TFAP2D: variants seen among roughly 807,000 people sequenced by gnomAD.
TFAP2D encodes transcription factor AP-2-delta.
Under a neutral mutation model 43.6 loss-of-function variants are expected in TFAP2D, and 9 were observed. The observed-to-expected ratio is 0.21, with a 90% CI of 0.12 to 0.36. The LOEUF is 0.36. Ranked by LOEUF, TFAP2D falls within the 10% of genes least tolerant of loss-of-function variation. The pLI, the probability that TFAP2D is intolerant of heterozygous loss-of-function variation, is 1.00. For missense variants in TFAP2D, 513 were observed against 561.4 expected, an observed-to-expected ratio of 0.91 and a Z score of 0.87; for synonymous variants, 256 against 224.9, an observed-to-expected ratio of 1.14 and a Z score of -1.24.
chr6:50,723,743 C>T (rs1042569557), intron 3 of TFAP2D, among the ~76,000 whole-genome samples: 11 of 152,112 alleles, frequency 7.2e-5, no homozygotes, highest in Non-Finnish European at 4.4e-5. Context: ...AGCCTACAGC[C>T]TTTTCTCTAA....
chr6:50,722,619 T>C (rs1355691178), intron 3 of TFAP2D, among the ~76,000 whole-genome samples: 1 of 152,008 alleles, frequency 6.6e-6, no homozygotes, highest in African/African-American at 2.4e-5. Flanking sequence ...AAGTGAACAA[T>C]GTTGATGACG....
intron 1 of TFAP2D, among the ~76,000 whole-genome samples, chr6:50,714,392 C>A (rs948490849): frequency 3.3e-5 from 5 of 151,396 alleles, no homozygotes; most frequent in Non-Finnish European, 7.4e-5. Context: ...GAGATAGAGA[C>A]GGAAAGAAAG....
At chr6:50,719,848 G>A (rs1207010449) in intron 3 of TFAP2D, among the ~76,000 whole-genome samples, 1 of 152,194 alleles carries the variant, frequency 6.6e-6, no homozygotes, top group African/African-American at 2.4e-5. Flanking sequence ...ATTGGAAGGT[G>A]GGGGAAGGCA....
chr6:50,756,523 C>T (rs1375194629), intron 7 of TFAP2D, among the ~76,000 whole-genome samples: 1 of 152,104 alleles, frequency 6.6e-6, no homozygotes, highest in African/African-American at 2.4e-5. Flanking sequence ...TATGTCCAGA[C>T]AAAGCACAAA....
intron 5 of TFAP2D, among the ~76,000 whole-genome samples, chr6:50,729,560 T>C (rs191144157): frequency 3.9e-5 from 6 of 152,336 alleles, no homozygotes; most frequent in Admixed American, 3.9e-4. Flanking sequence ...AGGTTTTGGG[T>C]ACTTCTCCAA....
chr6:50,720,723 G>C (rs1768708807), intron 3 of TFAP2D, among the ~76,000 whole-genome samples: 1 of 152,142 alleles, frequency 6.6e-6, no homozygotes, highest in South Asian at 2.1e-4. Context: ...GAGATGTGCT[G>C]ATCAGGGGTC....
rs115379839 is a variant in TFAP2D at position 50,728,734 on chromosome 6, A to G, written c.599-122A>G. 2.9e-3 allele frequency: 2,554 copies of G among 889,424 alleles called. 8 individuals are homozygous for G. Among genetic ancestry groups the G allele is most frequent in the Non-Finnish European group, 4.0e-3 (2,281 of 574,058 alleles). The allele number at this position is 889,424 out of a possible 1,614,324, so 55.1% of individuals were successfully genotyped here. ...AGCTCCCTGCGATGATCTGGGGGAT[A>G]TATAAGTACAACTGTTAGCATGTAT... On this transcript the variant is annotated intron_variant, in intron 3 of 7. Coordinates refer to ENST00000008391, the MANE Select transcript of TFAP2D (RefSeq NM_172238.4).
chr6:50,768,963 C>T (rs567012586), intron 7 of TFAP2D, among the ~76,000 whole-genome samples: 161 of 144,020 alleles, frequency 1.1e-3, no homozygotes, highest in Non-Finnish European at 1.9e-3. Context: ...AATGCAATAG[C>T]ACGATCTTGC....
chr6:50,716,682 A>T (rs975680939), intron 2 of TFAP2D, among the ~76,000 whole-genome samples: 4 of 152,178 alleles, frequency 2.6e-5, no homozygotes, highest in African/African-American at 7.2e-5. Context: ...AATTCAAAAG[A>T]CCCATAGTTT....
At chr6:50,733,291 G>T (rs182230435) in intron 5 of TFAP2D, among the ~76,000 whole-genome samples, 3 of 151,928 alleles carry the variant, frequency 2.0e-5, no homozygotes, top group Non-Finnish European at 4.4e-5. Context: ...TCATCTAAGT[G>T]GTTTAAATCT....
At chr6:50,766,120 A>G (rs1769437910) in intron 7 of TFAP2D, among the ~76,000 whole-genome samples, 1 of 152,128 alleles carries the variant, frequency 6.6e-6, no homozygotes, top group African/African-American at 2.4e-5. Context: ...TATTGAAGAG[A>G]CCATCCTTTT....
intron 3 of TFAP2D, among the ~76,000 whole-genome samples, chr6:50,720,152 A>G (rs1157355068): frequency 2.0e-5 from 3 of 152,226 alleles, no homozygotes; most frequent in Non-Finnish European, 4.4e-5. Context: ...TCAGGGCCAC[A>G]GTTGTCTGCA....
intron 5 of TFAP2D, among the ~76,000 whole-genome samples, chr6:50,739,480 A>C (rs1378764632): frequency 3.3e-5 from 5 of 152,140 alleles, no homozygotes; most frequent in Non-Finnish European, 7.3e-5. Flanking sequence ...ATTGATGGAC[A>C]TTTGGATTGG....
At chr6:50,749,715 T>C (rs1205930890) in intron 6 of TFAP2D, among the ~76,000 whole-genome samples, 1 of 151,888 alleles carries the variant, frequency 6.6e-6, no homozygotes, top group African/African-American at 2.4e-5. Context: ...TGAAAACAGG[T>C]ATATTTCATA....
chr6:50,746,238 T>A (rs1769123547), intron 6 of TFAP2D, among the ~76,000 whole-genome samples: 1 of 151,930 alleles, frequency 6.6e-6, no homozygotes, highest in African/African-American at 2.4e-5. Flanking sequence ...TTTGTTTGTT[T>A]GTTTGTTTGT....
intron 7 of TFAP2D, among the ~76,000 whole-genome samples, chr6:50,758,572 A>T (rs1263661838): frequency 6.6e-6 from 1 of 152,040 alleles, no homozygotes; most frequent in East Asian, 1.9e-4. Context: ...CAGTCAACTC[A>T]ACTGGTATTT....
chr6:50,732,565 G>T (rs1481080172), intron 5 of TFAP2D, among the ~76,000 whole-genome samples: 1 of 152,022 alleles, frequency 6.6e-6, no homozygotes, highest in African/African-American at 2.4e-5. Context: ...CTACGACTTT[G>T]CAGTACTTGA....
At chr6:50,764,728 T>A (rs1769417776) in intron 7 of TFAP2D, among the ~76,000 whole-genome samples, 1 of 152,210 alleles carries the variant, frequency 6.6e-6, no homozygotes, top group Non-Finnish European at 1.5e-5. Flanking sequence ...AGGTGAAGTA[T>A]GCATTGATAA....
chr6:50,736,733 T>G (rs563724341), intron 5 of TFAP2D, among the ~76,000 whole-genome samples: 7 of 152,226 alleles, frequency 4.6e-5, no homozygotes, highest in Admixed American at 3.9e-4. Context: ...TGTGCTTGGG[T>G]GTCCATAAAC....
Sources: allele counts gnomAD v4.1 joint callset (sites outside exome capture counted in the v4.1 genomes callset), GRCh38; gene constraint gnomAD v4.1.1; transcripts MANE v1.5; gene names NCBI Gene and HGNC (gene_info 2026-07-23, HGNC 2026-07-21).